The following SYTL3 variants were observed in gnomAD, a reference collection of about 807,000 sequenced individuals.
The protein encoded by SYTL3 is synaptotagmin like 3.
In SYTL3, 88 loss-of-function variants were observed where a neutral mutation model predicts 82.1. That is an observed-to-expected ratio of 1.07 (90% confidence interval 0.90 to 1.28). The LOEUF is 1.28. SYTL3 is among the 50% of genes most tolerant of loss of function. The pLI, the probability that SYTL3 is intolerant of heterozygous loss-of-function variation, is 0.00. For missense variants in SYTL3, 831 were observed against 757.6 expected (o/e 1.10, Z -1.14); for synonymous variants, 311 against 289.4 (o/e 1.07, Z -0.76).
At chr6:158,721,619 A>C (rs1179427812) in intron 10 of SYTL3, among the ~76,000 whole-genome samples, 1 of 151,772 alleles carries the variant, frequency 6.6e-6, no homozygotes, top group Non-Finnish European at 1.5e-5. Flanking sequence ...TATAAGGAGT[A>C]CACTTCTATT....
In SYTL3 at chr6:158,739,994, C is replaced by CTTTTTTTTTTT. The variant is rs35026438; in HGVS notation, c.856-5476_856-5466dup. Among the ~76,000 whole-genome samples, 8 of 105,576 alleles carry CTTTTTTTTTTT rather than the reference C, an allele frequency of 7.6e-5. 1 individual carries two copies. The highest frequency in any genetic ancestry group is 9.2e-5 in the Non-Finnish European group (5 of 54,544). 69.3% of individuals were successfully genotyped at this position (105,576 alleles called of 152,430 possible). On this transcript the variant is annotated intron_variant, in intron 11 of 17. Coordinates refer to ENST00000611299, the MANE Select transcript of SYTL3 (RefSeq NM_001242394.2). ...GTTGCCTTACTTTTTAGGCAACTTA[C>CTTTTTTTTTTT]TTTTTTTTTTTTTTTTTTTTGAGTT... is the stretch of plus-strand genomic sequence containing the variant.
Position 158,663,086 on chromosome 6 carries a change from G to A in SYTL3, c.-183G>A. The A allele has an allele frequency of 1.8e-6, 1 of 542,972 alleles. No individual in the cohort carries two copies. The highest frequency in any genetic ancestry group is 2.5e-5 in the South Asian group (1 of 39,728). The allele number at this position is 542,972 out of a possible 1,614,324, so 33.6% of individuals were successfully genotyped here. A position where few individuals can be genotyped will look rare whatever the true frequency, so the allele number is the denominator to read the frequency against. Reference sequence around the variant, plus strand: ...ACTTCTTGAGGCTTTCTTCTTCTAAGGAGTATGACACAGTTAAAAAGGAAA... The same window carrying A: ...ACTTCTTGAGGCTTTCTTCTTCTAAAGAGTATGACACAGTTAAAAAGGAAA... On this transcript the variant is annotated 5_prime_UTR_variant, in exon 4 of 18. Transcript: ENST00000611299.
At chr6:158,678,959 C>G (rs1416539242) in intron 5 of SYTL3, among the ~76,000 whole-genome samples, 5 of 152,172 alleles carry the variant, frequency 3.3e-5, no homozygotes, top group Non-Finnish European at 7.3e-5. Context: ...GTGCTAGATG[C>G]TTTCTTTGGT....
intron 8 of SYTL3, among the ~76,000 whole-genome samples, chr6:158,712,452 CT>C (rs1224343292): frequency 6.6e-6 from 1 of 152,178 alleles, no homozygotes; most frequent in African/African-American, 2.4e-5. Context: ...GAGTCCACCC[CT>C]TGTCAACCTG....
intron 5 of SYTL3, among the ~76,000 whole-genome samples, chr6:158,666,202 C>G (rs1583161615): frequency 6.6e-6 from 1 of 152,206 alleles, no homozygotes; most frequent in African/African-American, 2.4e-5. Flanking sequence ...TTATCTCCTT[C>G]AGTACCAGTG....
At chr6:158,715,033 A>G (rs965093946) in intron 9 of SYTL3, among the ~76,000 whole-genome samples, 1 of 152,110 alleles carries the variant, frequency 6.6e-6, no homozygotes, top group Non-Finnish European at 1.5e-5. Context: ...CACTGTTTCC[A>G]TCCTGCTGGG....
chr6:158,750,670 A>G (rs766684449), intron 12 of SYTL3, among the ~76,000 whole-genome samples: 1 of 152,042 alleles, frequency 6.6e-6, no homozygotes, highest in Non-Finnish European at 1.5e-5. Context: ...GGTGCACACC[A>G]CCACACCCAG....
intron 6 of SYTL3, among the ~76,000 whole-genome samples, chr6:158,704,166 G>T (rs1352187893): frequency 6.6e-6 from 1 of 151,818 alleles, no homozygotes; most frequent in Admixed American, 6.6e-5. Flanking sequence ...AAAAACAAAA[G>T]AATAATCTTT....
At chr6:158,658,450 G>T (rs1050454062) in intron 2 of SYTL3, among the ~76,000 whole-genome samples, 1 of 152,156 alleles carries the variant, frequency 6.6e-6, no homozygotes, top group Non-Finnish European at 1.5e-5. Flanking sequence ...TGGTTCAATC[G>T]AATGCCCAAC....
intron 6 of SYTL3, among the ~76,000 whole-genome samples, chr6:158,687,216 G>A (rs1472537072): frequency 6.6e-6 from 1 of 152,168 alleles, no homozygotes; most frequent in Non-Finnish European, 1.5e-5. Flanking sequence ...GGCTCGCCTG[G>A]GGCTGGGGGA....
chr6:158,676,970 A>G (rs1408595955), intron 5 of SYTL3, among the ~76,000 whole-genome samples: 1 of 152,170 alleles, frequency 6.6e-6, no homozygotes, highest in African/African-American at 2.4e-5. Context: ...ACTGTAAACT[A>G]GTTCAACCAT....
At chr6:158,754,701 CAG>C (rs1788843489) in intron 13 of SYTL3, among the ~76,000 whole-genome samples, 2 of 152,178 alleles carry the variant, frequency 1.3e-5, no homozygotes, top group Non-Finnish European at 2.9e-5. Context: ...GCCTGGGCGA[CAG>C]AGCGAGACTC....
chr6:158,665,612 A>C lies in SYTL3; in HGVS notation c.328A>C (p.Arg110=). Residue 110 remains arginine, a splice_region_variant and synonymous_variant, in exon 5 of 18, where the codon AGG becomes CGG. Transcript: ENST00000611299. Reference sequence around the variant, plus strand: ...GAAGTGCACGGTGTGCTTCGAGGACAGGTAAGCATGGCCGGTGGTTGGATC... The same window carrying C: ...GAAGTGCACGGTGTGCTTCGAGGACCGGTAAGCATGGCCGGTGGTTGGATC... ...AWKCTVCFED[R]NVKIKTGEWF... 1 of 1,549,018 alleles carries C rather than the reference A, an allele frequency of 6.5e-7. No individual in the cohort carries two copies. The highest frequency in any genetic ancestry group is 8.7e-7 in the Non-Finnish European group (1 of 1,143,276).
At chr6:158,688,124 C>G (rs1489479087) in intron 6 of SYTL3, among the ~76,000 whole-genome samples, 2 of 152,212 alleles carry the variant, frequency 1.3e-5, no homozygotes, top group Non-Finnish European at 2.9e-5. Context: ...GTATTGATGA[C>G]TCCATAAAAT....
At chr6:158,681,499 A>G (rs771732281) in intron 5 of SYTL3, among the ~76,000 whole-genome samples, 2 of 152,068 alleles carry the variant, frequency 1.3e-5, no homozygotes, top group Non-Finnish European at 2.9e-5. Flanking sequence ...CTGACATGGC[A>G]AAAACCTATC....
chr6:158,657,922 T>G (rs937082173), intron 2 of SYTL3, among the ~76,000 whole-genome samples: 2 of 152,014 alleles, frequency 1.3e-5, no homozygotes, highest in African/African-American at 2.4e-5. Context: ...AGACGGAGTC[T>G]TGCTCTGTCG....
rs1562393426 is a variant in SYTL3 at position 158,701,243 on chromosome 6, GAT to G, written c.395-5986_395-5985del. Among the ~76,000 whole-genome samples, 95 of 17,970 alleles carry G rather than the reference GAT, an allele frequency of 5.3e-3. 26 individuals carry two copies. Among genetic ancestry groups the G allele is most frequent in the African/African-American group, 0.022 (33 of 1,512 alleles). The allele number at this position is 17,970 out of a possible 152,430, so 11.8% of individuals were successfully genotyped here. On this transcript the variant is annotated intron_variant, in intron 6 of 17. Coordinates refer to ENST00000611299, the MANE Select transcript of SYTL3 (RefSeq NM_001242394.2). ...ATGAAGGAGTGTGAGCTGGGGTGTA[GAT>G]GAAGGAGTGTGAGCTGGGGTGTAGA...
intron 12 of SYTL3, 116 bp downstream of exon 12, chr6:158,745,774 G>A (rs1328356019): frequency 1.2e-6 from 1 of 845,984 alleles, no homozygotes; most frequent in African/African-American, 1.7e-5. Context: ...AAATGAAAAG[G>A]CTTACTTCAA....
chr6:158,645,346 C>T (rs1583083016), upstream of SYTL3, among the ~76,000 whole-genome samples: 1 of 152,068 alleles, frequency 6.6e-6, no homozygotes, highest in Non-Finnish European at 1.5e-5. Flanking sequence ...ACTAGACAGA[C>T]TTTATTTGTA....
Sources: allele counts gnomAD v4.1 joint callset (sites outside exome capture counted in the v4.1 genomes callset), GRCh38; gene constraint gnomAD v4.1.1; transcripts MANE v1.5; gene names NCBI Gene and HGNC (gene_info 2026-07-23, HGNC 2026-07-21).